Variants in UGT1A6 observed in about 807,000 individuals in gnomAD.
UGT1A6 encodes the protein UDP glucuronosyltransferase family 1 member A6.
UGT1A6 carries 32 observed loss-of-function variants against 44.4 expected under a neutral mutation model. The observed-to-expected ratio is 0.72, with a 90% CI of 0.54 to 0.97. The LOEUF is 0.97. UGT1A6 is among the 50% of genes least tolerant of loss of function. The probability of loss-of-function intolerance (pLI) is 0.00; values close to 1 mark genes in which losing one functional copy is unlikely to be tolerated. For synonymous variants in UGT1A6, 238 were observed against 248.5 expected (o/e 0.96, Z 0.40); for missense variants, 685 against 661.9 (o/e 1.03, Z -0.38).
intron 1 of UGT1A6, chr2:233,718,661 A>C: frequency 6.5e-7 from 1 of 1,533,598 alleles, no homozygotes; most frequent in Non-Finnish European, 8.8e-7. Flanking sequence ...AAAGGCAGTT[A>C]TAGATTAATG....
chr2:233,719,807 T>C, intron 1 of UGT1A6: 1 of 1,593,892 alleles, frequency 6.3e-7, no homozygotes, highest in Non-Finnish European at 8.5e-7. Context: ...TTGGCTTCTT[T>C]ATAACAGATA....
chr2:233,743,932 C>T (rs927230635), intron 1 of UGT1A6: 9 of 1,358,952 alleles, frequency 6.6e-6, no homozygotes, highest in African/African-American at 5.9e-5. Flanking sequence ...ATGGCCAGAA[C>T]GGCCCACCAG....
rs1699786831 is a variant in UGT1A6 at position 233,769,072 on chromosome 2, T to C, written c.1301+633T>C. ...AAGTTTCCTGCACAGAAAGAAATACTCCATTATAAGAAGCATAGTATCTTT... is the reference window on the plus strand; with the variant it reads ...AAGTTTCCTGCACAGAAAGAAATACCCCATTATAAGAAGCATAGTATCTTT... On this transcript the variant is annotated intron_variant, in intron 4 of 4. Coordinates refer to ENST00000305139, the MANE Select transcript of UGT1A6 (RefSeq NM_001072.4). This position sits in a 1 kb window ranked among gnomAD's most constrained non-coding sequence, Gnocchi z 4.4. 6.6e-6 allele frequency among the ~76,000 whole-genome samples: 1 copy of C among 152,150 alleles called. No homozygotes were observed. Among genetic ancestry groups the C allele is most frequent in the Admixed American group, 6.5e-5 (1 of 15,270 alleles).
At chr2:233,695,130 C>CTTTCTTTTT (rs1364557158) in intron 1 of UGT1A6, among the ~76,000 whole-genome samples, 39,526 of 138,334 alleles carry the variant, frequency 0.29, 6,081 homozygotes, top group South Asian at 0.37. Context: ...CTTTTCTTTT[C>CTTTCTTTTT]TTTTTTTTTT....
chr2:233,704,968 T>A (rs2075815720), intron 1 of UGT1A6, among the ~76,000 whole-genome samples: 1 of 152,042 alleles, frequency 6.6e-6, no homozygotes, highest in South Asian at 2.1e-4. Flanking sequence ...AAACCCCATC[T>A]CTACTTAAAA....
At chr2:233,701,311 G>A (rs2075622392) in intron 1 of UGT1A6, among the ~76,000 whole-genome samples, 1 of 152,048 alleles carries the variant, frequency 6.6e-6, no homozygotes, top group African/African-American at 2.4e-5. Context: ...TTCCACAATG[G>A]TTGAACTAGT....
upstream of UGT1A6, chr2:233,692,203 G>C (rs1200902160): frequency 6.6e-6 from 1 of 152,362 alleles, no homozygotes; most frequent in Non-Finnish European, 1.5e-5. Context: ...GGTGTGGAGG[G>C]TGGGGCACCC....
chr2:233,759,264 GCTGCATT>G (rs1697095056), intron 1 of UGT1A6, among the ~76,000 whole-genome samples: 1 of 152,204 alleles, frequency 6.6e-6, no homozygotes, highest in South Asian at 2.1e-4. Context: ...GGTCACTGCA[GCTGCATT>G]CTGATTGGTT....
rs139116240 is a variant in UGT1A6, at chr2:233,744,094, T to C, written c.862-22940T>C. 9.0e-3 allele frequency: 3,757 copies of C among 416,138 alleles called. 139 individuals carry two copies. The highest frequency in any genetic ancestry group is 0.069 in the Admixed American group (1,831 of 26,694). The allele number at this position is 416,138 out of a possible 1,614,324, so 25.8% of individuals were successfully genotyped here. ...GCCTCGCATCCCAAGATGCAGTGCT[T>C]CTGGGACTGGCCCTGCTCTCTGTGA... On this transcript the variant is annotated intron_variant, in intron 1 of 4. Coordinates refer to ENST00000305139, the MANE Select transcript of UGT1A6 (RefSeq NM_001072.4).
At chr2:233,738,500 C>T (rs1380943528) in intron 1 of UGT1A6, among the ~76,000 whole-genome samples, 1 of 152,068 alleles carries the variant, frequency 6.6e-6, no homozygotes, top group Admixed American at 6.5e-5. Context: ...CGGTTTTGAC[C>T]AAAATGCTGA....
At position 233,759,547 on chromosome 2, in the gene UGT1A6, A is replaced by G. The variant is rs1173613989; in HGVS notation, c.862-7487A>G. On this transcript the variant is annotated intron_variant, in intron 1 of 4. Transcript: ENST00000305139. ...GAAGACTTCTGTTCACATGCGCTCC[A>G]GTGAATTTCCCTTTCTGGTCATTCT... Among the ~76,000 whole-genome samples the G allele has an allele frequency of 8.5e-5, 13 of 152,244 alleles. No individual in the cohort carries two copies. The East Asian group carries it at 2.5e-3, about 29-fold the overall frequency.
intron 1 of UGT1A6, among the ~76,000 whole-genome samples, chr2:233,749,893 C>A (rs141027223): frequency 6.6e-5 from 10 of 151,938 alleles, no homozygotes; most frequent in Non-Finnish European, 1.2e-4. Context: ...GAGGCTCCCC[C>A]CTCCAGCCAC....
chr2:233,721,978 G>A (rs543425926), intron 1 of UGT1A6: 60 of 269,454 alleles, frequency 2.2e-4, no homozygotes, highest in South Asian at 1.8e-3. Context: ...GATGGCCTGG[G>A]TAGTTTCACG....
At chr2:233,709,129 A>C (rs2076058664) in intron 1 of UGT1A6, among the ~76,000 whole-genome samples, 1 of 152,130 alleles carries the variant, frequency 6.6e-6, no homozygotes, top group South Asian at 2.1e-4. Flanking sequence ...ATGGTGGCCA[A>C]GGGGATGAGA....
Position 233,760,623 on chromosome 2 carries a change from A to G in UGT1A6, c.862-6411A>G, listed in dbSNP as rs181505697. ...CTTTCCTGCAGCGTGTGATCAAAAC[A>G]TACAAGAAAATAAAAAAGGACTCTG... On this transcript the variant is annotated intron_variant, in intron 1 of 4. Transcript: ENST00000305139. 5 of 1,614,198 alleles carry G rather than the reference A, an allele frequency of 3.1e-6. No homozygotes were observed. In the African/African-American group the frequency reaches 6.7e-5, roughly 22 times the overall value.
intron 1 of UGT1A6, chr2:233,755,320 T>G: frequency 2.0e-6 from 1 of 508,264 alleles, no homozygotes; most frequent in Admixed American, 3.4e-5. Flanking sequence ...GCGGCAAGGC[T>G]GCCAGCACCC....
Position 233,768,439 on chromosome 2 carries a change from G to A in UGT1A6, c.1301G>A (p.Ser434Asn), listed in dbSNP as rs1306719122. The change falls in exon 4 of 5, where the codon AGT becomes AAT. Residue 434 changes from serine (S) to asparagine (N), a missense_variant and splice_region_variant. Coordinates refer to ENST00000305139, the MANE Select transcript of UGT1A6 (RefSeq NM_001072.4). ...NALKAVINDK[S>N]YKENIMRLSS... The stretch of plus-strand genomic sequence containing the variant: ...CTAAAAGCAGTCATCAATGACAAAA[G>A]GTAAGAAAGAAGATACAGAAGAATA... 3.1e-6 allele frequency: 5 copies of A among 1,613,244 alleles called. No individual in the cohort carries two copies. The highest frequency in any genetic ancestry group is 1.3e-5 in the African/African-American group (1 of 74,970).
At position 233,747,675 on chromosome 2, in the gene UGT1A6, T is replaced by A. The variant is rs1693747728; in HGVS notation, c.862-19359T>A. On this transcript the variant is annotated intron_variant, in intron 1 of 4. Transcript: ENST00000305139. ...CGATGTGGTTTTAATAGACCCAATTTACCTCTGTGGGGCAGTGCTGGCTAA... is the reference window on the plus strand; with the variant it reads ...CGATGTGGTTTTAATAGACCCAATTAACCTCTGTGGGGCAGTGCTGGCTAA... The A allele has an allele frequency of 8.1e-6, 13 of 1,605,742 alleles. No homozygotes were observed. The South Asian group carries it at 1.4e-4, about 18-fold the overall frequency.
At chr2:233,749,019 A>C (rs1274313061) in intron 1 of UGT1A6, among the ~76,000 whole-genome samples, 1 of 151,468 alleles carries the variant, frequency 6.6e-6, no homozygotes, top group Non-Finnish European at 1.5e-5. Context: ...TTAATCCAGA[A>C]TATTTGGGGT....
Sources: gnomAD v4.1 joint callset for allele counts (sites outside exome capture counted in the v4.1 genomes callset) on GRCh38, gnomAD v4.1.1 for gene constraint, Gnocchi (gnomAD v3.1) non-coding constraint, MANE v1.5 for transcripts, NCBI Gene and HGNC (gene_info 2026-07-23, HGNC 2026-07-21) for gene names.